The following SLC25A21 variants were observed in gnomAD, a reference collection of about 807,000 sequenced individuals.
The protein encoded by SLC25A21 is solute carrier family 25 member 21, also known as mitochondrial 2-oxodicarboxylate carrier.
Under a neutral mutation model 43.8 loss-of-function variants are expected in SLC25A21, and 47 were observed. That is an observed-to-expected ratio of 1.07 (90% CI 0.85 to 1.37). The LOEUF (loss-of-function observed/expected upper bound fraction) is 1.37. SLC25A21 is among the 40% of genes most tolerant of loss of function. The pLI is 0.00. For synonymous variants in SLC25A21, 131 were observed against 121.3 expected (o/e 1.08, Z -0.52); for missense variants, 352 against 350.2 (o/e 1.00, Z -0.04).
At chr14:36,954,328 G>C (rs2022721) in intron 1 of SLC25A21, among the ~76,000 whole-genome samples, 38,642 of 151,696 alleles carry the variant, frequency 0.25, 5,123 homozygotes, top group Admixed American at 0.33. Context: ...TCCTAGAGAA[G>C]TCCTCCTTAG....
chr14:36,782,103 T>C (rs1887085448), intron 3 of SLC25A21, among the ~76,000 whole-genome samples: 2 of 152,208 alleles, frequency 1.3e-5, no homozygotes, highest in South Asian at 4.1e-4. Context: ...CTGCTAAAAG[T>C]CTAATGAGGG....
chr14:37,137,288 C>T (rs1349813634), intron 1 of SLC25A21, among the ~76,000 whole-genome samples: 2 of 152,054 alleles, frequency 1.3e-5, no homozygotes, highest in Admixed American at 1.3e-4. Flanking sequence ...TGAGCCACCG[C>T]GCCCAGCTGG....
intron 1 of SLC25A21, among the ~76,000 whole-genome samples, chr14:36,917,189 G>C (rs892745582): frequency 1.4e-4 from 22 of 151,912 alleles, no homozygotes; most frequent in African/African-American, 5.1e-4. Flanking sequence ...GTCCTTCAGT[G>C]GTTGCCAAAC....
At chr14:37,122,801 T>G (rs1269209338) in intron 1 of SLC25A21, among the ~76,000 whole-genome samples, 1 of 152,208 alleles carries the variant, frequency 6.6e-6, no homozygotes, top group Non-Finnish European at 1.5e-5. Flanking sequence ...TTGACGTTCT[T>G]GTCCCCCAAT....
chr14:37,013,374 G>T (rs931004243), intron 1 of SLC25A21, among the ~76,000 whole-genome samples: 19 of 152,126 alleles, frequency 1.2e-4, no homozygotes, highest in African/African-American at 4.6e-4. Flanking sequence ...TACTGGGTTT[G>T]CTATGACTAT....
At chr14:37,070,930 A>C (rs1352095096) in intron 1 of SLC25A21, among the ~76,000 whole-genome samples, 1 of 152,204 alleles carries the variant, frequency 6.6e-6, no homozygotes, top group Non-Finnish European at 1.5e-5. Flanking sequence ...ACAAGCTGTC[A>C]CATCAGTTTC....
chr14:36,871,846 T>A (rs567364371), intron 2 of SLC25A21, among the ~76,000 whole-genome samples: 4 of 152,278 alleles, frequency 2.6e-5, no homozygotes, highest in African/African-American at 9.6e-5. Context: ...TGTTTTATTC[T>A]GAATTTTAAA....
chr14:36,729,093 T>C (rs138783874), intron 5 of SLC25A21, among the ~76,000 whole-genome samples: 51 of 152,328 alleles, frequency 3.3e-4, no homozygotes, highest in African/African-American at 1.2e-3. Context: ...AGTGACTTTA[T>C]CCCAAGGGAT....
At chr14:37,053,795 T>C (rs1439103558) in intron 1 of SLC25A21, among the ~76,000 whole-genome samples, 2 of 152,158 alleles carry the variant, frequency 1.3e-5, no homozygotes, top group African/African-American at 4.8e-5. Flanking sequence ...TGTCAGAAGA[T>C]TCAGAAGTCA....
intron 1 of SLC25A21, among the ~76,000 whole-genome samples, chr14:36,967,448 T>C (rs1959642203): frequency 6.6e-6 from 1 of 152,192 alleles, no homozygotes; most frequent in South Asian, 2.1e-4. Context: ...AGAAGAACTT[T>C]ATTAGAAGTA....
intron 1 of SLC25A21, among the ~76,000 whole-genome samples, chr14:37,015,726 T>C (rs890066896): frequency 3.9e-5 from 6 of 152,062 alleles, no homozygotes; most frequent in East Asian, 1.9e-4. Context: ...TTTTTAATGA[T>C]TGCCATTCTA....
chr14:36,809,303 T>C (rs1888150897), intron 3 of SLC25A21, among the ~76,000 whole-genome samples: 1 of 152,170 alleles, frequency 6.6e-6, no homozygotes, highest in Admixed American at 6.5e-5. Flanking sequence ...ACTGCTTCAT[T>C]TTCTATGAGT....
intron 1 of SLC25A21, among the ~76,000 whole-genome samples, chr14:37,098,919 C>T (rs887557775): frequency 6.6e-6 from 1 of 151,790 alleles, no homozygotes; most frequent in Non-Finnish European, 1.5e-5. Context: ...TCTCCTGACT[C>T]AGCCTCTCGA....
intron 1 of SLC25A21, among the ~76,000 whole-genome samples, chr14:37,156,413 CATATCAATA>C (rs1963851374): frequency 6.6e-6 from 1 of 152,002 alleles, no homozygotes; most frequent in South Asian, 2.1e-4. Flanking sequence ...CAAAGCCTCA[CATATCAATA>C]ATATCAATAA....
intron 1 of SLC25A21, among the ~76,000 whole-genome samples, chr14:37,006,728 A>C (rs1960612288): frequency 1.3e-5 from 2 of 152,122 alleles, no homozygotes. Flanking sequence ...CAAATAATGC[A>C]TATATTTTAT....
At chr14:37,040,430 A>G (rs1229562717) in intron 1 of SLC25A21, among the ~76,000 whole-genome samples, 1 of 104,084 alleles carries the variant, frequency 9.6e-6, no homozygotes. Flanking sequence ...AAAGAAAGAA[A>G]GAAAGAAAGA....
Position 36,725,626 on chromosome 14 carries a change from T to TA in SLC25A21, c.381dup (p.Asn128Ter), listed in dbSNP as rs758535019. 6.2e-7 allele frequency: 1 copy of TA among 1,602,530 alleles called. No homozygotes were observed. Among genetic ancestry groups the TA allele is most frequent in the South Asian group, 1.1e-5 (1 of 89,046 alleles). ...CCAACTTTTACTACCTCAAAAGGGTTAACTACAATGGCTTCTGTTAGTCCA... is the reference window on the plus strand; with the variant it reads ...CCAACTTTTACTACCTCAAAAGGGTTAAACTACAATGGCTTCTGTTAGTCCA... On this transcript the variant is annotated frameshift_variant, in exon 6 of 10. Coordinates refer to ENST00000331299, the MANE Select transcript of SLC25A21 (RefSeq NM_030631.4). LOFTEE classifies it high-confidence loss of function.
intron 3 of SLC25A21, among the ~76,000 whole-genome samples, chr14:36,750,840 GATC>G (rs1885680051): frequency 6.6e-6 from 1 of 152,188 alleles, no homozygotes; most frequent in Admixed American, 6.5e-5. Context: ...AATTTCATGA[GATC>G]ATCCCTCACT....
At chr14:37,083,133 T>C (rs1385175166) in intron 1 of SLC25A21, among the ~76,000 whole-genome samples, 1 of 152,224 alleles carries the variant, frequency 6.6e-6, no homozygotes, top group African/African-American at 2.4e-5. Context: ...TTATGCTGAA[T>C]GTAAGCTCTG....
Sources: allele counts gnomAD v4.1 joint callset (sites outside exome capture counted in the v4.1 genomes callset), GRCh38; gene constraint gnomAD v4.1.1; transcripts MANE v1.5; gene names NCBI Gene and HGNC (gene_info 2026-07-23, HGNC 2026-07-21).